The following MAPT variants were observed in gnomAD, a reference collection of about 807,000 sequenced individuals.
MAPT encodes the protein microtubule associated protein tau, also known as microtubule-associated protein tau.
In MAPT, 34 loss-of-function variants were observed where a neutral mutation model predicts 67.9. That is an observed-to-expected ratio of 0.50 (90% CI 0.38 to 0.67). MAPT has a LOEUF of 0.67. Ranked by LOEUF, MAPT falls within the 30% of genes least tolerant of loss-of-function variation. MAPT has a pLI of 0.00. For synonymous variants in MAPT, 456 were observed against 464.5 expected (o/e 0.98, Z 0.23); for missense variants, 881 against 1,115.2 (o/e 0.79, Z 2.99).
chr17:45,922,744 G>C (rs1173339689), intron 1 of MAPT, among the ~76,000 whole-genome samples: 1 of 152,168 alleles, frequency 6.6e-6, no homozygotes, highest in African/African-American at 2.4e-5. Flanking sequence ...GTTGGGACTG[G>C]ATCCCCTCTG....
chr17:45,902,190 G>T (rs2063659348), intron 1 of MAPT, among the ~76,000 whole-genome samples: 1 of 152,062 alleles, frequency 6.6e-6, no homozygotes, highest in Non-Finnish European at 1.5e-5. Flanking sequence ...TTCCGCCTCA[G>T]CCTCCGCCGT....
Position 45,996,309 on chromosome 17 carries a change from G to A in MAPT, c.1733-90G>A, listed in dbSNP as rs1317761671. 7 of 1,450,008 alleles carry A rather than the reference G, an allele frequency of 4.8e-6. No homozygotes were observed. In the East Asian group the frequency reaches 1.6e-4, roughly 33 times the overall value. 89.8% of individuals were successfully genotyped at this position (1,450,008 alleles called of 1,614,324 possible). ...ACCTGCCTAACCCAGTGGTGAGCCT[G>A]GGAATGGACCCACGGGACAGGCAGC... On this transcript the variant is annotated intron_variant, in intron 8 of 12. Coordinates refer to ENST00000262410, the MANE Select transcript of MAPT (RefSeq NM_001377265.1). This position sits in a 1 kb window ranked among gnomAD's most constrained non-coding sequence, Gnocchi z 4.5.
At chr17:45,978,202 A>G in intron 3 of MAPT, 173 bp from the exon 4 acceptor site, 2 of 669,532 alleles carry the variant, frequency 3.0e-6, no homozygotes, top group Non-Finnish European at 5.4e-6. Context: ...TATCACCAGC[A>G]TCCTCAGCAA....
intron 1 of MAPT, among the ~76,000 whole-genome samples, chr17:45,941,369 C>G (rs2067836213): frequency 2.0e-5 from 3 of 152,046 alleles, no homozygotes; most frequent in African/African-American, 7.2e-5. Context: ...GACCCAGAAG[C>G]CTCTCAGACA....
intron 8 of MAPT, chr17:45,994,117 C>A (rs2074287565): frequency 1.4e-6 from 1 of 738,382 alleles, no homozygotes; most frequent in African/African-American, 1.8e-5. Flanking sequence ...ATGGAGCAGT[C>A]CGAATTCTCT....
At chr17:45,972,879 T>TA (rs2071867715) in intron 3 of MAPT, 1 of 152,482 alleles carries the variant, frequency 6.6e-6, no homozygotes, top group African/African-American at 2.4e-5. Context: ...AGCTGGGTCT[T>TA]ACGGCCACCC....
intron 11 of MAPT, among the ~76,000 whole-genome samples, chr17:46,015,865 T>TA (rs1310228162): frequency 1.3e-5 from 2 of 152,052 alleles, no homozygotes; most frequent in African/African-American, 2.4e-5. Context: ...CCACAAAAAT[T>TA]AAAAAAATAT....
At chr17:46,008,281 G>A (rs2075588320) in intron 9 of MAPT, among the ~76,000 whole-genome samples, 1 of 152,098 alleles carries the variant, frequency 6.6e-6, no homozygotes, top group African/African-American at 2.4e-5. Context: ...GTACAGACGG[G>A]GTTTCACCAC....
At chr17:46,022,451 A>G (rs1376703627) in intron 12 of MAPT, among the ~76,000 whole-genome samples, 1 of 151,870 alleles carries the variant, frequency 6.6e-6, no homozygotes, top group Non-Finnish European at 1.5e-5. Flanking sequence ...ATATGCATCT[A>G]GCTTAAATGC....
chr17:46,012,369 G>T (rs1477336617), intron 10 of MAPT, among the ~76,000 whole-genome samples: 1 of 151,842 alleles, frequency 6.6e-6, no homozygotes, highest in Non-Finnish European at 1.5e-5. Context: ...TCGTCTGCGG[G>T]CTAGCCTGTG....
chr17:45,975,677 A>C (rs755531743), intron 3 of MAPT: 4 of 152,230 alleles, frequency 2.6e-5, no homozygotes, highest in Non-Finnish European at 4.4e-5. Context: ...AAAGTAGTTG[A>C]AAGTACATTA....
chr17:45,992,910 A>C (rs1226450753), intron 8 of MAPT, among the ~76,000 whole-genome samples: 2 of 147,524 alleles, frequency 1.4e-5, no homozygotes, highest in Admixed American at 6.8e-5. Context: ...AAAAAAAAAA[A>C]CAGTCGTCCT....
At chr17:45,941,555 G>A (rs2067858453) in intron 1 of MAPT, among the ~76,000 whole-genome samples, 1 of 151,376 alleles carries the variant, frequency 6.6e-6, no homozygotes, top group African/African-American at 2.4e-5. Context: ...CACTCTTTGT[G>A]CTTCTTTCTT....
rs369217369 is a variant in MAPT at position 45,996,584 on chromosome 17, G to C, written c.1918G>C (p.Val640Leu). ...CAAGAGCCGCCTGCAGACAGCCCCC[G>C]TGCCCATGCCAGACCTGAAGAATGT... is the stretch of plus-strand genomic sequence containing the variant. ...SAKSRLQTAP[V>L]PMPDLKNVKS... is the part of the protein sequence containing the mutation. Residue 640 changes from valine (V) to leucine (L), a missense_variant, in exon 9 of 13, where the codon GTG becomes CTG. Physicochemically the swap from Val to Leu is conservative, Grantham distance 32. Around this residue, in one of 6 missense-constraint regions of MAPT, gnomAD observed 45 missense variants for 43.2 expected, o/e 1.04. Coordinates refer to ENST00000262410, the MANE Select transcript of MAPT (RefSeq NM_001377265.1). This position sits in a 1 kb window ranked among gnomAD's most constrained non-coding sequence, Gnocchi z 4.5. 6.2e-6 allele frequency: 10 copies of C among 1,610,812 alleles called. 1 individual carries two copies. In the Admixed American group the frequency reaches 1.3e-4, roughly 22 times the overall value.
chr17:45,940,472 C>T lies in MAPT; in HGVS notation c.-17-21849C>T, dbSNP rs988103962. 3.3e-5 allele frequency among the ~76,000 whole-genome samples: 5 copies of T among 152,318 alleles called. No homozygotes were observed. The South Asian group carries it at 6.2e-4, about 19-fold the overall frequency. On this transcript the variant is annotated intron_variant, in intron 1 of 12. Coordinates refer to ENST00000262410, the MANE Select transcript of MAPT (RefSeq NM_001377265.1). ...GGATGTGTTGAATTATCCCAAGTGG[C>T]TACACAGAGTAAGCACTCAAATGAT...
chr17:45,904,045 ATATATAT>A (rs1178386877), intron 1 of MAPT, among the ~76,000 whole-genome samples: 59 of 15,096 alleles, frequency 3.9e-3, no homozygotes, highest in African/African-American at 0.014. Flanking sequence ...TTATATATTT[ATATATAT>A]TATATATTAT....
chr17:46,024,405 A>G lies in MAPT; in HGVS notation c.*234A>G. 1 of 584,866 alleles carries G rather than the reference A, an allele frequency of 1.7e-6. No individual in the cohort carries two copies. The highest frequency in any genetic ancestry group is 3.1e-6 in the Non-Finnish European group (1 of 327,698). The allele number at this position is 584,866 out of a possible 1,614,324, so 36.2% of individuals were successfully genotyped here. On this transcript the variant is annotated 3_prime_UTR_variant, in exon 13 of 13. Coordinates refer to ENST00000262410, the MANE Select transcript of MAPT (RefSeq NM_001377265.1). Reference sequence around the variant, plus strand: ...CAAATTGATGGGTGGGCTAGTAATAAAATATTTAAAAAAAAACATTCAAAA... The same window carrying G: ...CAAATTGATGGGTGGGCTAGTAATAGAATATTTAAAAAAAAACATTCAAAA...
intron 1 of MAPT, among the ~76,000 whole-genome samples, chr17:45,909,148 A>G (rs2064557723): frequency 6.6e-6 from 1 of 151,690 alleles, no homozygotes; most frequent in East Asian, 2.0e-4. Flanking sequence ...CTCTGTCGCC[A>G]TTGGGCAGCC....
chr17:45,978,607 C>A, intron 4 of MAPT, 167 bp downstream of exon 4: 1 of 602,502 alleles, frequency 1.7e-6, no homozygotes, highest in Non-Finnish European at 2.9e-6. Context: ...TAGAAAGAGC[C>A]CTAGTGGTTT....
Sources: allele counts gnomAD v4.1 joint callset (sites outside exome capture counted in the v4.1 genomes callset), GRCh38; gene constraint gnomAD v4.1.1; regional missense constraint gnomAD v4.1.1; non-coding constraint Gnocchi (gnomAD v3.1); transcripts MANE v1.5; gene names NCBI Gene and HGNC (gene_info 2026-07-23, HGNC 2026-07-21).